C3orf52: variants seen among roughly 807,000 people sequenced by gnomAD.
C3orf52 encodes the protein chromosome 3 open reading frame 52, also known as TPA-induced transmembrane protein.
Under a neutral mutation model 24.8 loss-of-function variants are expected in C3orf52, and 22 were observed. The observed-to-expected ratio is 0.89, with a 90% CI of 0.63 to 1.27. The LOEUF is 1.27. Ranked by LOEUF, C3orf52 falls within the 50% of genes most tolerant of loss-of-function variation. C3orf52 has a pLI of 0.00. For synonymous variants in C3orf52, 93 were observed against 100.2 expected (o/e 0.93, Z 0.43); for missense variants, 265 against 260.7 (o/e 1.02, Z -0.11).
downstream of C3orf52, chr3:112,133,207 G>T: frequency 6.8e-7 from 1 of 1,461,774 alleles, no homozygotes; most frequent in South Asian, 1.1e-5. Context: ...CTGACTTAAA[G>T]AAAGGGCTGT....
At chr3:112,135,784 T>C (rs139215212), downstream of C3orf52, among the ~76,000 whole-genome samples, 19 of 152,248 alleles carry the variant, frequency 1.2e-4, no homozygotes, top group Admixed American at 3.3e-4. Context: ...GATAGGAAAC[T>C]GGCTAGAAAA....
intron 2 of C3orf52, among the ~76,000 whole-genome samples, chr3:112,100,410 A>AT (rs1424549299): frequency 2.0e-4 from 30 of 152,380 alleles, no homozygotes; most frequent in Non-Finnish European, 8.8e-5. Context: ...CATTAGTGAC[A>AT]TAAAAACTCT....
At position 112,125,245 on chromosome 3, in the gene C3orf52, A is replaced by T. The variant is rs753648823; in HGVS notation, c.*47-2988A>T. The T allele has an allele frequency of 8.9e-6, 14 of 1,581,680 alleles. No homozygotes were observed. In the South Asian group the frequency reaches 1.4e-4, roughly 16 times the overall value. ...TATTACCTGGATGGGAGTAGATGAC[A>T]TTCTTTCATCTGGAGAAAGAAAATA... is the stretch of plus-strand genomic sequence containing the variant. On this transcript the variant is annotated intron_variant, in intron 4 of 4. Coordinates refer to the C3orf52 transcript ENST00000480282.
intron 2 of C3orf52, 150 bp downstream of exon 2, chr3:112,093,639 G>C: frequency 1.5e-6 from 1 of 678,362 alleles, no homozygotes; most frequent in Non-Finnish European, 2.3e-6. Flanking sequence ...ATGGGTGGGA[G>C]ATATGCCTGA....
intron 4 of C3orf52, chr3:112,127,885 C>A: frequency 1.4e-6 from 1 of 717,326 alleles, no homozygotes; most frequent in Admixed American, 2.1e-5. Flanking sequence ...CCCTGATTAA[C>A]TCTTAGGTGA....
chr3:112,112,075 G>T (rs1168952539), intron 4 of C3orf52: 3 of 152,188 alleles, frequency 2.0e-5, no homozygotes, highest in Non-Finnish European at 2.9e-5. Flanking sequence ...CTTCCCCAAG[G>T]TGATAGTCTC....
rs1404270080 is a variant in C3orf52, at chr3:112,086,485, G to T, written c.78G>T (p.Thr26=). The stretch of plus-strand genomic sequence containing the variant: ...TCGAGCGGCAGCCAGAAGAGAACAC[G>T]CCTCTCAATGGTGCCGACAAGGTCT... ...SVLERQPEEN[T]PLNGADKVFP... is the part of the protein sequence containing the mutation. The change falls in exon 1 of 6, where the codon ACG becomes ACT. Residue 26 remains threonine (T), a synonymous_variant. Transcript: ENST00000264848. The T allele has an allele frequency of 1.3e-6, 2 of 1,551,536 alleles. No homozygotes were observed. Among genetic ancestry groups the T allele is most frequent in the Non-Finnish European group, 8.7e-7 (1 of 1,146,874 alleles).
chr3:112,098,974 T>C (rs2073948950), intron 2 of C3orf52, among the ~76,000 whole-genome samples: 1 of 152,018 alleles, frequency 6.6e-6, no homozygotes, highest in South Asian at 2.1e-4. Context: ...TGGTGGGAGG[T>C]GATTGGATCA....
At chr3:112,091,997 C>G (rs1230057558) in intron 1 of C3orf52, among the ~76,000 whole-genome samples, 1 of 130,518 alleles carries the variant, frequency 7.7e-6, no homozygotes, top group South Asian at 2.8e-4. Context: ...GAGCGAGACT[C>G]CATCTCAAGA....
downstream of C3orf52, chr3:112,130,242 A>C: frequency 1.7e-6 from 1 of 594,058 alleles, no homozygotes; most frequent in Non-Finnish European, 3.0e-6. Context: ...TAGGAGTTAC[A>C]TTAGGCTTCT....
At position 112,116,899 on chromosome 3, in the gene C3orf52, G is replaced by T; in HGVS notation, c.*253G>T. 1 of 1,537,264 alleles carries T rather than the reference G, an allele frequency of 6.5e-7. No homozygotes were observed. The highest frequency in any genetic ancestry group is 8.7e-7 in the Non-Finnish European group (1 of 1,146,898). On this transcript the variant is annotated 3_prime_UTR_variant, in exon 6 of 6. Coordinates refer to ENST00000264848, the MANE Select transcript of C3orf52 (RefSeq NM_024616.3). ...AGCCAGCTAGGGTGGGGGCGATAGG[G>T]TCAGCGGGTATGTCCCACTGTTGGA...
chr3:112,094,827 G>A (rs1019268280), intron 2 of C3orf52, among the ~76,000 whole-genome samples: 2 of 152,114 alleles, frequency 1.3e-5, no homozygotes, highest in African/African-American at 4.8e-5. Flanking sequence ...AGAGGGGCTC[G>A]ACTGAGGCTG....
At chr3:112,123,437 G>T in intron 4 of C3orf52, 1 of 1,609,280 alleles carries the variant, frequency 6.2e-7, no homozygotes, top group Non-Finnish European at 8.5e-7. Flanking sequence ...CTAAACAAAT[G>T]CTAGTCCAGC....
rs114145031 is a variant in C3orf52 at position 112,092,085 on chromosome 3, G to A, written c.139-1275G>A. Among the ~76,000 whole-genome samples, 1,084 of 152,168 alleles carry A rather than the reference G, an allele frequency of 7.1e-3. 12 individuals carry two copies. Among genetic ancestry groups the A allele is most frequent in the African/African-American group, 0.023 (970 of 41,508 alleles). On this transcript the variant is annotated intron_variant, in intron 1 of 5. Transcript: ENST00000264848. Reference sequence around the variant, plus strand: ...GTGTCGGTCAGGAGCGAGTCTCCTCGAGTGCCGGCTGCTGCTTTGTGGGAT... The same window carrying A: ...GTGTCGGTCAGGAGCGAGTCTCCTCAAGTGCCGGCTGCTGCTTTGTGGGAT...
chr3:112,132,983 T>G (rs1408143518), downstream of C3orf52: 4 of 1,119,976 alleles, frequency 3.6e-6, no homozygotes, highest in Admixed American at 4.1e-5. Context: ...ACCCAACTAC[T>G]TTCTACCCCA....
At chr3:112,119,975 AG>A (rs2074172466), downstream of C3orf52, among the ~76,000 whole-genome samples, 1 of 152,238 alleles carries the variant, frequency 6.6e-6, no homozygotes, top group South Asian at 2.1e-4. Context: ...CCCCAGAGGC[AG>A]GCTCAGTTCA....
At chr3:112,097,063 A>G (rs2073933027) in intron 2 of C3orf52, among the ~76,000 whole-genome samples, 1 of 152,180 alleles carries the variant, frequency 6.6e-6, no homozygotes, top group Non-Finnish European at 1.5e-5. Flanking sequence ...TCTTTAGGGA[A>G]AAGGTATTAA....
intron 3 of C3orf52, among the ~76,000 whole-genome samples, chr3:112,108,598 G>A (rs1243012137): frequency 3.3e-5 from 5 of 152,306 alleles, no homozygotes; most frequent in African/African-American, 9.6e-5. Flanking sequence ...TCAGAGGAAT[G>A]GATAGGCTGG....
chr3:112,125,756 T>G (rs1273581188), intron 4 of C3orf52, among the ~76,000 whole-genome samples: 1 of 152,182 alleles, frequency 6.6e-6, no homozygotes. Flanking sequence ...ATGGTGGTGG[T>G]GTGATAATTG....
Sources: gnomAD v4.1 joint callset for allele counts (sites outside exome capture counted in the v4.1 genomes callset) on GRCh38, gnomAD v4.1.1 for gene constraint, MANE v1.5 for transcripts, NCBI Gene and HGNC (gene_info 2026-07-23, HGNC 2026-07-21) for gene names.